PRKN: variants seen among roughly 807,000 people sequenced by gnomAD.
The protein encoded by PRKN is parkin RBR E3 ubiquitin protein ligase, also known as E3 ubiquitin-protein ligase parkin.
Under a neutral mutation model 59.5 loss-of-function variants are expected in PRKN, and 56 were observed. The ratio of observed to expected loss-of-function variants is 0.94; its 90% CI spans 0.76 to 1.18. PRKN has a LOEUF of 1.18. Among genes scored for constraint, PRKN ranks in the 50% most tolerant of loss-of-function variants. The pLI is 0.00. For missense variants in PRKN, 657 were observed against 596.4 expected, an observed-to-expected ratio of 1.10 and a Z score of -1.06; for synonymous variants, 250 against 222.1, an observed-to-expected ratio of 1.13 and a Z score of -1.12.
chr6:161,453,196 G>A (rs1789819354), intron 9 of PRKN, among the ~76,000 whole-genome samples: 1 of 152,162 alleles, frequency 6.6e-6, no homozygotes, highest in Non-Finnish European at 1.5e-5. Flanking sequence ...TTGAACCAGT[G>A]AACAGTACTG....
intron 7 of PRKN, among the ~76,000 whole-genome samples, chr6:161,777,259 A>G (rs1789963230): frequency 6.6e-6 from 1 of 152,196 alleles, no homozygotes; most frequent in Admixed American, 6.5e-5. Flanking sequence ...ATTTTAGGGA[A>G]ATAAAATTTC....
chr6:162,030,347 T>A (rs1783591094), intron 5 of PRKN, among the ~76,000 whole-genome samples: 1 of 152,214 alleles, frequency 6.6e-6, no homozygotes, highest in Non-Finnish European at 1.5e-5. Flanking sequence ...GTACTCTGAA[T>A]GTAAAACGGC....
At chr6:162,176,184 G>T (rs138741875) in intron 4 of PRKN, among the ~76,000 whole-genome samples, 1 of 152,134 alleles carries the variant, frequency 6.6e-6, no homozygotes, top group Admixed American at 6.5e-5. Context: ...GATTTGGAGA[G>T]GGGTGGAATT....
At chr6:161,512,179 G>A (rs560002210) in intron 9 of PRKN, among the ~76,000 whole-genome samples, 17 of 152,130 alleles carry the variant, frequency 1.1e-4, no homozygotes, top group Non-Finnish European at 2.1e-4. Context: ...AGTAACAGAG[G>A]TGGTTTCATT....
chr6:161,882,156 T>C (rs943926927), intron 6 of PRKN, among the ~76,000 whole-genome samples: 1 of 152,220 alleles, frequency 6.6e-6, no homozygotes, highest in Admixed American at 6.5e-5. Context: ...TCCTGTGCTT[T>C]GGAACTTCAG....
intron 4 of PRKN, among the ~76,000 whole-genome samples, chr6:162,075,964 C>CTTTTTTTT (rs201642343): frequency 7.5e-6 from 1 of 132,966 alleles, no homozygotes. Context: ...GAAAGGCTTG[C>CTTTTTTTT]TTTTTTTTTT....
At chr6:162,589,581 TC>T (rs67021581) in intron 1 of PRKN, among the ~76,000 whole-genome samples, 15,288 of 152,218 alleles carry the variant, frequency 0.1, 907 homozygotes, top group Middle Eastern at 0.19. Context: ...TTTCTGTGTT[TC>T]AGATTATTTG....
intron 4 of PRKN, among the ~76,000 whole-genome samples, chr6:162,096,023 T>TAG (rs1779712923): frequency 6.6e-6 from 1 of 152,206 alleles, no homozygotes; most frequent in South Asian, 2.1e-4. Flanking sequence ...AATGTGTCCA[T>TAG]ACAGGGAACG....
At chr6:161,903,194 G>GCTGCACTGGCTCTAGAGCCAA (rs147662529) in intron 6 of PRKN, among the ~76,000 whole-genome samples, 19,285 of 151,794 alleles carry the variant, frequency 0.13, 1,833 homozygotes, top group African/African-American at 0.27. Context: ...GCTGGAGGCG[G>GCTGCACTGGCTCTAGAGCCAA]CTGCACTGGC....
intron 2 of PRKN, among the ~76,000 whole-genome samples, chr6:162,347,407 C>T (rs1266095067): frequency 6.6e-6 from 1 of 151,582 alleles, no homozygotes; most frequent in Non-Finnish European, 1.5e-5. Flanking sequence ...CTTCTTTGAT[C>T]CATTAGTTAC....
chr6:162,091,104 T>C (rs1779476875), intron 4 of PRKN, among the ~76,000 whole-genome samples: 1 of 105,406 alleles, frequency 9.5e-6, no homozygotes, highest in Non-Finnish European at 1.8e-5. Context: ...TTTATTTCTC[T>C]TGCTATCCTT....
intron 4 of PRKN, among the ~76,000 whole-genome samples, chr6:162,145,701 A>C (rs1410077288): frequency 2.0e-5 from 3 of 152,192 alleles, no homozygotes; most frequent in Admixed American, 1.3e-4. Context: ...CCCATTGGCC[A>C]CTTGGTGGAC....
At chr6:162,092,185 C>G (rs2128296521) in intron 4 of PRKN, among the ~76,000 whole-genome samples, 1 of 152,088 alleles carries the variant, frequency 6.6e-6, no homozygotes, top group South Asian at 2.1e-4. Context: ...GAAACCCCGG[C>G]TCTACTAAAA....
intron 4 of PRKN, among the ~76,000 whole-genome samples, chr6:162,069,610 C>T (rs957426631): frequency 5.9e-5 from 9 of 152,008 alleles, no homozygotes; most frequent in African/African-American, 9.7e-5. Flanking sequence ...AGAGCAAGAA[C>T]GTATTATAGA....
chr6:161,438,185 A>C (rs922453353), intron 9 of PRKN, among the ~76,000 whole-genome samples: 15 of 149,630 alleles, frequency 1.0e-4, no homozygotes, highest in African/African-American at 3.7e-4. Flanking sequence ...TTGTTTTCTT[A>C]CAAATTCACT....
intron 7 of PRKN, among the ~76,000 whole-genome samples, chr6:161,772,734 A>G (rs77067241): frequency 1.1e-3 from 168 of 152,308 alleles, no homozygotes; most frequent in African/African-American, 3.4e-3. Context: ...TCTGATGAAA[A>G]AGATAATAAA....
chr6:162,449,239 T>C (rs1463549786), intron 1 of PRKN, among the ~76,000 whole-genome samples: 1 of 152,200 alleles, frequency 6.6e-6, no homozygotes, highest in East Asian at 1.9e-4. Context: ...TCTACACGGA[T>C]GTCCAGTAGA....
At chr6:161,837,530 T>C (rs927792684) in intron 6 of PRKN, among the ~76,000 whole-genome samples, 1 of 151,834 alleles carries the variant, frequency 6.6e-6, no homozygotes, top group East Asian at 1.9e-4. Context: ...AGGACTCCAA[T>C]TGATAAACTT....
intron 7 of PRKN, among the ~76,000 whole-genome samples, chr6:161,718,584 C>T (rs1016202209): frequency 7.5e-6 from 1 of 134,160 alleles, no homozygotes; most frequent in Non-Finnish European, 1.5e-5. Context: ...TTCTCAGGGT[C>T]ATTCTCATTC....
Sources: gnomAD v4.1 joint callset for allele counts (sites outside exome capture counted in the v4.1 genomes callset) on GRCh38, gnomAD v4.1.1 for gene constraint, MANE v1.5 for transcripts, NCBI Gene and HGNC (gene_info 2026-07-23, HGNC 2026-07-21) for gene names.